Variants in MTMR9 observed in about 807,000 individuals in gnomAD.
MTMR9 encodes myotubularin-related protein 9.
In MTMR9, 39 loss-of-function variants were observed where a neutral mutation model predicts 69.5. The ratio of observed to expected loss-of-function variants is 0.56; its 90% confidence interval spans 0.43 to 0.73. The LOEUF (loss-of-function observed/expected upper bound fraction) is 0.73. Ranked by LOEUF, MTMR9 falls within the 30% of genes least tolerant of loss-of-function variation. The pLI, the probability that MTMR9 is intolerant of heterozygous loss-of-function variation, is 0.00. For synonymous variants in MTMR9, 354 were observed against 240.8 expected, an observed-to-expected ratio of 1.47 and a Z score of -4.35; for missense variants, 900 against 671.2, an observed-to-expected ratio of 1.34 and a Z score of -3.77.
At chr8:11,303,840 C>G (rs1485224627) in intron 3 of MTMR9, among the ~76,000 whole-genome samples, 1 of 152,064 alleles carries the variant, frequency 6.6e-6, no homozygotes, top group African/African-American at 2.4e-5. Flanking sequence ...AGCCTAGAAA[C>G]TATGTTTTTA....
rs933052852 is a variant in MTMR9 at position 11,299,109 on chromosome 8, C to G, written c.292-914C>G. 3.3e-5 allele frequency among the ~76,000 whole-genome samples: 5 copies of G among 152,174 alleles called. No homozygotes were observed. The South Asian group carries it at 1.0e-3, about 32-fold the overall frequency. ...TTGAGAGGCTGAGGCAGGCAGATCA[C>G]CTGAGGTCAGGAGTTCAAGTCTGGC... On this transcript the variant is annotated intron_variant, in intron 2 of 9. Transcript: ENST00000221086.
At chr8:11,304,286 G>T (rs1197653784) in intron 3 of MTMR9, among the ~76,000 whole-genome samples, 1 of 152,094 alleles carries the variant, frequency 6.6e-6, no homozygotes, top group East Asian at 1.9e-4. Flanking sequence ...ATAAACAAAG[G>T]GTTTGATATA....
chr8:11,305,177 G>C (rs184268170), intron 4 of MTMR9, among the ~76,000 whole-genome samples, 163 bp downstream of exon 4: 1 of 152,254 alleles, frequency 6.6e-6, no homozygotes, highest in East Asian at 1.9e-4. Flanking sequence ...GGAGTAGGGT[G>C]TTTTCTGTGG....
rs757197251 is a variant in MTMR9 at position 11,295,285 on chromosome 8, A to G, written c.274A>G (p.Ile92Val). The G allele has an allele frequency of 6.3e-6, 10 of 1,597,038 alleles. No individual in the cohort carries two copies. In the East Asian group the frequency reaches 2.0e-4, roughly 32 times the overall value. ...DIPGMEECLN[I>V]ASSIEALSTL... ...TCCTGGAATGGAGGAATGCTTGAAT[A>G]TAGCCAGTTCCATTGAGGTAAGTAT... The change falls in exon 2 of 10, where the codon ATA becomes GTA. Residue 92 changes from isoleucine (I) to valine (V), a missense_variant. Physicochemically the swap from Ile to Val is conservative, Grantham distance 29. Transcript: ENST00000221086.
At chr8:11,288,439 A>G (rs974409822) in intron 1 of MTMR9, among the ~76,000 whole-genome samples, 2 of 150,424 alleles carry the variant, frequency 1.3e-5, no homozygotes, top group Non-Finnish European at 3.0e-5. Flanking sequence ...ACTGGGAGGC[A>G]GTTTCCTTAG....
downstream of MTMR9, among the ~76,000 whole-genome samples, chr8:11,329,920 C>T (rs1801130765): frequency 1.3e-5 from 2 of 152,080 alleles, no homozygotes; most frequent in South Asian, 4.2e-4. Flanking sequence ...GCGCCTCTGC[C>T]CGGCTGCGAC....
At chr8:11,297,980 C>A (rs1799618393) in intron 2 of MTMR9, 1 of 456,032 alleles carries the variant, frequency 2.2e-6, no homozygotes, top group Non-Finnish European at 4.4e-6. Context: ...TTTCATATAG[C>A]ATAGCTGAGC....
chr8:11,285,454 A>G (rs1197825054), intron 1 of MTMR9: 1 of 166,786 alleles, frequency 6.0e-6, no homozygotes, highest in Non-Finnish European at 1.3e-5. Context: ...TAAAGTCTTT[A>G]CCATTTCTGA....
At chr8:11,307,837 A>G (rs1470077519) in intron 5 of MTMR9, among the ~76,000 whole-genome samples, 1 of 151,442 alleles carries the variant, frequency 6.6e-6, no homozygotes, top group Non-Finnish European at 1.5e-5. Flanking sequence ...CCTATTGGCC[A>G]TTTATATGTC....
chr8:11,285,836 A>G (rs190815147), intron 1 of MTMR9, among the ~76,000 whole-genome samples: 1 of 152,330 alleles, frequency 6.6e-6, no homozygotes, highest in Admixed American at 6.5e-5. Flanking sequence ...CGTTTTACAC[A>G]GAAGTATAAA....
chr8:11,293,796 A>G (rs1799451967), intron 1 of MTMR9, among the ~76,000 whole-genome samples: 1 of 149,412 alleles, frequency 6.7e-6, no homozygotes, highest in Admixed American at 6.7e-5. Context: ...TTGTGCCAGC[A>G]CCATTTGTTG....
chr8:11,336,112 CCTT>C, the MTMR9 span, among the ~76,000 whole-genome samples: 1 of 152,192 alleles, frequency 6.6e-6, no homozygotes, highest in African/African-American at 2.4e-5. Flanking sequence ...ATGTAATCAA[CCTT>C]CTACCAGGTG....
At chr8:11,314,137 G>GT (rs1487387896) in intron 6 of MTMR9, among the ~76,000 whole-genome samples, 1 of 152,220 alleles carries the variant, frequency 6.6e-6, no homozygotes, top group Non-Finnish European at 1.5e-5. Flanking sequence ...ATGTACATGG[G>GT]TAAAAACTGA....
intron 1 of MTMR9, chr8:11,294,639 G>A (rs1225420819): frequency 6.6e-6 from 1 of 151,250 alleles, no homozygotes; most frequent in Non-Finnish European, 1.5e-5. Flanking sequence ...GTAGCTGCAT[G>A]CCACCACGCC....
downstream of MTMR9, chr8:11,331,815 G>C: frequency 6.2e-7 from 1 of 1,611,854 alleles, no homozygotes; most frequent in Non-Finnish European, 8.5e-7. Context: ...CTGTGTGCCA[G>C]GCCTCTTTGT....
intron 3 of MTMR9, among the ~76,000 whole-genome samples, chr8:11,304,574 G>C (rs1271515547): frequency 6.6e-6 from 1 of 152,156 alleles, no homozygotes; most frequent in Non-Finnish European, 1.5e-5. Context: ...ACCAATAGAG[G>C]GAGCTACAGA....
chr8:11,292,055 C>A (rs764891061), intron 1 of MTMR9, among the ~76,000 whole-genome samples: 2 of 152,100 alleles, frequency 1.3e-5, no homozygotes, highest in African/African-American at 4.8e-5. Context: ...TCCTTCTTTT[C>A]TTTTCCAAGT....
chr8:11,285,303 G>A (rs1322466303), intron 1 of MTMR9: 1 of 436,254 alleles, frequency 2.3e-6, no homozygotes, highest in Non-Finnish European at 4.1e-6. Context: ...GTACCATCCT[G>A]ATGATCATTT....
rs183626031 is a variant in MTMR9, at chr8:11,289,578, T to C, written c.182+4508T>C. Among the ~76,000 whole-genome samples, 22 of 152,276 alleles carry C rather than the reference T, an allele frequency of 1.4e-4. No homozygotes were observed. The East Asian group carries it at 3.9e-3, about 27-fold the overall frequency. On this transcript the variant is annotated intron_variant, in intron 1 of 9. Coordinates refer to ENST00000221086, the MANE Select transcript of MTMR9 (RefSeq NM_015458.4). ...GATTGATTCCTTAAAAGGTTTCCTC[T>C]GTTGTTGATTTTCTTCCTCCCTAAT...
Sources: allele counts gnomAD v4.1 joint callset (sites outside exome capture counted in the v4.1 genomes callset), GRCh38; gene constraint gnomAD v4.1.1; transcripts MANE v1.5; gene names NCBI Gene and HGNC (gene_info 2026-07-23, HGNC 2026-07-21).